RPS6KA2: variants seen among roughly 807,000 people sequenced by gnomAD.
RPS6KA2 encodes the protein ribosomal protein S6 kinase A2, also known as ribosomal protein S6 kinase alpha-2.
A neutral mutation model predicts 91.8 loss-of-function variants in RPS6KA2; 42 were observed. The observed-to-expected ratio is 0.46, with a 90% confidence interval of 0.36 to 0.59. The LOEUF (loss-of-function observed/expected upper bound fraction) is 0.59, where lower values mean the gene tolerates loss of function less well. Among genes scored for constraint, RPS6KA2 ranks in the 20% least tolerant of loss-of-function variants. RPS6KA2 has a pLI of 0.00. For synonymous variants in RPS6KA2, 414 were observed against 393.6 expected (o/e 1.05, Z -0.61); for missense variants, 798 against 978.5 (o/e 0.82, Z 2.46).
intron 2 of RPS6KA2, among the ~76,000 whole-genome samples, chr6:166,786,245 T>G (rs1418227600): frequency 6.6e-6 from 1 of 152,234 alleles, no homozygotes; most frequent in Non-Finnish European, 1.5e-5. Flanking sequence ...GCAGCCTGGC[T>G]CAGCCAGCCC....
intron 2 of RPS6KA2, among the ~76,000 whole-genome samples, chr6:166,753,396 T>C (rs1322436883): frequency 6.6e-6 from 1 of 152,228 alleles, no homozygotes; most frequent in African/African-American, 2.4e-5. Flanking sequence ...GAATCAATAA[T>C]ATACTTTAAA....
At chr6:166,701,612 T>A in intron 2 of RPS6KA2, 1 of 1,324,812 alleles carries the variant, frequency 7.5e-7, no homozygotes, top group Non-Finnish European at 1.1e-6. Context: ...AGATGAACAG[T>A]CTCGGATTCT....
intron 2 of RPS6KA2, among the ~76,000 whole-genome samples, chr6:166,748,083 A>G (rs1883361): frequency 0.66 from 100,749 of 152,066 alleles, 34,497 homozygotes; most frequent in African/African-American, 0.85. Context: ...GGGGGTGGTG[A>G]CCAGGGTGAA....
intron 2 of RPS6KA2, chr6:166,701,617 G>T: frequency 7.6e-7 from 1 of 1,316,436 alleles, no homozygotes; most frequent in Non-Finnish European, 1.1e-6. Flanking sequence ...AACAGTCTCG[G>T]ATTCTGATTG....
chr6:166,446,527 T>C (rs1454204021), intron 14 of RPS6KA2, among the ~76,000 whole-genome samples: 1 of 152,110 alleles, frequency 6.6e-6, no homozygotes, highest in Non-Finnish European at 1.5e-5. Flanking sequence ...GTGCCTGGCT[T>C]CTCTCCCCGA....
At chr6:166,813,103 A>G (rs1380804000) in intron 2 of RPS6KA2, among the ~76,000 whole-genome samples, 2 of 152,020 alleles carry the variant, frequency 1.3e-5, no homozygotes, top group Non-Finnish European at 2.9e-5. Flanking sequence ...CGTGACCCAG[A>G]CCACCGCTCC....
At chr6:166,723,157 T>C (rs543534106) in intron 2 of RPS6KA2, among the ~76,000 whole-genome samples, 32 of 152,356 alleles carry the variant, frequency 2.1e-4, no homozygotes, top group Middle Eastern at 6.8e-3. Context: ...AAGGCTGGGC[T>C]GGGGCTGGCA....
At position 166,508,413 on chromosome 6, in the gene RPS6KA2, C is replaced by G; in HGVS notation, c.380-131G>C. 1.6e-6 allele frequency: 1 copy of G among 635,850 alleles called. No homozygotes were observed. Among genetic ancestry groups the G allele is most frequent in the Non-Finnish European group, 2.8e-6 (1 of 352,336 alleles). The allele number at this position is 635,850 out of a possible 1,614,324, so 39.4% of individuals were successfully genotyped here. A position where few individuals can be genotyped will look rare whatever the true frequency, so the allele number is the denominator to read the frequency against. On this transcript the variant is annotated intron_variant, in intron 4 of 20. Coordinates refer to ENST00000265678, the MANE Select transcript of RPS6KA2 (RefSeq NM_021135.6). This position sits in a 1 kb window ranked among gnomAD's most constrained non-coding sequence, Gnocchi z 4.3. ...AGTCACTTGAGAAACGGCAGGACCC[C>G]GGCTGGTGACCAGCTCAGAGGGGCA...
At position 166,486,036 on chromosome 6, in the gene RPS6KA2, GCAGA is replaced by G. The variant is rs1487364620; in HGVS notation, c.907+2793_907+2796del. On this transcript the variant is annotated intron_variant, in intron 10 of 20. Transcript: ENST00000265678. Reference sequence around the variant, plus strand: ...GGACCAGCGAGTGAAGGGCCAAGGTGCAGACAGCTTTAGGAGCTGCACATCTCTT... The same window carrying G: ...GGACCAGCGAGTGAAGGGCCAAGGTGCAGCTTTAGGAGCTGCACATCTCTT... 2.6e-5 allele frequency among the ~76,000 whole-genome samples: 4 copies of G among 152,320 alleles called. No homozygotes were observed. In the East Asian group the frequency reaches 7.7e-4, roughly 29 times the overall value.
At chr6:166,432,518 AG>A in intron 14 of RPS6KA2, 28 bp from the exon 15 acceptor site, 1 of 1,466,876 alleles carries the variant, frequency 6.8e-7, no homozygotes, top group Non-Finnish European at 9.5e-7. Context: ...CATGGCAGTG[AG>A]GGGTCTACTT....
At chr6:166,513,745 G>C (rs1454824656) in intron 3 of RPS6KA2, among the ~76,000 whole-genome samples, 1 of 152,216 alleles carries the variant, frequency 6.6e-6, no homozygotes, top group East Asian at 1.9e-4. Flanking sequence ...GCCATGAATG[G>C]AAACCACTGT....
intron 2 of RPS6KA2, among the ~76,000 whole-genome samples, chr6:166,794,676 T>C (rs1437533006): frequency 6.6e-6 from 1 of 151,144 alleles, no homozygotes; most frequent in Non-Finnish European, 1.5e-5. Flanking sequence ...TATGTAGCCA[T>C]AAAAAATGAT....
intron 2 of RPS6KA2, among the ~76,000 whole-genome samples, chr6:166,819,742 T>A (rs749737208): frequency 3.9e-5 from 6 of 152,206 alleles, no homozygotes; most frequent in Non-Finnish European, 5.9e-5. Flanking sequence ...ATCCTGTAGT[T>A]TATTCAACTG....
rs1784121569 is a variant in RPS6KA2 at position 166,554,551 on chromosome 6, C to CA, written c.100-15768dup. 6.6e-6 allele frequency among the ~76,000 whole-genome samples: 1 copy of CA among 152,152 alleles called. No individual in the cohort carries two copies. The highest frequency in any genetic ancestry group is 1.5e-5 in the Non-Finnish European group (1 of 68,030). On this transcript the variant is annotated intron_variant, in intron 1 of 20. Transcript: ENST00000265678. The surrounding 1 kb of genome is among the most constrained non-coding windows in gnomAD (Gnocchi z 4.3). ...GGGGACAGAGAGAAACATTCAGGGA[C>CA]AAAACCTAAGTCACGAGGTCTGATG...
intron 2 of RPS6KA2, among the ~76,000 whole-genome samples, chr6:166,679,324 C>T (rs549957991): frequency 6.6e-6 from 1 of 151,790 alleles, no homozygotes; most frequent in African/African-American, 2.4e-5. Context: ...ATTAGCCAGG[C>T]ATGGTGGCGG....
At chr6:166,608,946 G>A (rs1786056364) in intron 1 of RPS6KA2, among the ~76,000 whole-genome samples, 1 of 152,256 alleles carries the variant, frequency 6.6e-6, no homozygotes, top group Admixed American at 6.5e-5. Flanking sequence ...ACTTAAGATT[G>A]GGGATTTACT....
At chr6:166,501,077 C>T (rs116385037) in intron 6 of RPS6KA2, among the ~76,000 whole-genome samples, 153 bp from the exon 7 acceptor site, 1,546 of 152,236 alleles carry the variant, frequency 0.01, 29 homozygotes, top group African/African-American at 0.035. Context: ...ACGGCTTGTG[C>T]GGTGGGCCTT....
chr6:166,645,407 G>A (rs560445034), intron 2 of RPS6KA2, among the ~76,000 whole-genome samples: 22 of 152,316 alleles, frequency 1.4e-4, no homozygotes, highest in Non-Finnish European at 3.2e-4. Context: ...TTGGGCTGGA[G>A]TTTCCGTTTA....
At chr6:166,478,157 C>T (rs1781050125) in intron 10 of RPS6KA2, among the ~76,000 whole-genome samples, 2 of 152,344 alleles carry the variant, frequency 1.3e-5, no homozygotes, top group South Asian at 4.1e-4. Flanking sequence ...GGGGCGGTTA[C>T]CATGCGTCAC....
Sources: gnomAD v4.1 joint callset for allele counts (sites outside exome capture counted in the v4.1 genomes callset) on GRCh38, gnomAD v4.1.1 for gene constraint, Gnocchi (gnomAD v3.1) non-coding constraint, MANE v1.5 for transcripts, NCBI Gene and HGNC (gene_info 2026-07-23, HGNC 2026-07-21) for gene names.